The following PTPRK variants were observed in gnomAD, a reference collection of about 807,000 sequenced individuals.
PTPRK encodes the protein protein tyrosine phosphatase receptor type K.
Under a neutral mutation model 178.0 loss-of-function variants are expected in PTPRK, and 75 were observed. The observed-to-expected ratio is 0.42, with a 90% CI of 0.35 to 0.51. PTPRK has a LOEUF of 0.51. Among genes scored for constraint, PTPRK ranks in the 20% least tolerant of loss-of-function variants. The pLI is 0.02. For missense variants in PTPRK, 1,441 were observed against 1,797.8 expected, an observed-to-expected ratio of 0.80 and a Z score of 3.59; for synonymous variants, 637 against 620.6, an observed-to-expected ratio of 1.03 and a Z score of -0.39.
At chr6:127,986,688 A>G (rs145354929) in intron 21 of PTPRK, among the ~76,000 whole-genome samples, 1 of 152,152 alleles carries the variant, frequency 6.6e-6, no homozygotes, top group Non-Finnish European at 1.5e-5. Flanking sequence ...AGGAAAAAAA[A>G]TCCCACTATA....
intron 6 of PTPRK, among the ~76,000 whole-genome samples, chr6:128,205,594 G>A (rs945837253): frequency 7.9e-5 from 12 of 151,324 alleles, no homozygotes; most frequent in Admixed American, 5.3e-4. Flanking sequence ...CCAATATGGC[G>A]AAACCCCATC....
intron 6 of PTPRK, among the ~76,000 whole-genome samples, chr6:128,211,982 T>C (rs1562799346): frequency 6.6e-6 from 1 of 152,058 alleles, no homozygotes. Context: ...CAATTAACAT[T>C]CTATAAGACT....
chr6:128,259,227 C>T (rs1009271413), intron 3 of PTPRK, among the ~76,000 whole-genome samples: 2 of 152,142 alleles, frequency 1.3e-5, no homozygotes, highest in Non-Finnish European at 2.9e-5. Context: ...TTCCAGGCTC[C>T]ACCCTATAGG....
At position 128,026,740 on chromosome 6, in the gene PTPRK, T is replaced by G. The variant is rs528308098; in HGVS notation, c.2195-17472A>C. Among the ~76,000 whole-genome samples the G allele has an allele frequency of 4.2e-4, 64 of 152,336 alleles. 2 individuals are homozygous for G. In the South Asian group the frequency reaches 8.7e-3, roughly 21 times the overall value. ...TTGTATAGTACTTTAAGGAGGATAT[T>G]ATTCATTTTATATCATTTTCCTTCT... On this transcript the variant is annotated intron_variant, in intron 13 of 29. Coordinates refer to ENST00000368226, the MANE Select transcript of PTPRK (RefSeq NM_002844.4).
chr6:128,003,198 T>A, intron 15 of PTPRK: 6 of 1,603,298 alleles, frequency 3.7e-6, no homozygotes, highest in Non-Finnish European at 5.1e-6. Context: ...GGGCCTCACC[T>A]AACACAGCAG....
At chr6:128,192,883 A>G (rs1583416786) in intron 6 of PTPRK, among the ~76,000 whole-genome samples, 5 of 122,128 alleles carry the variant, frequency 4.1e-5, no homozygotes, top group Non-Finnish European at 6.8e-5. Context: ...AGGGGAGGAG[A>G]GGGAGGAAGG....
At chr6:128,301,419 T>C (rs999417490) in intron 3 of PTPRK, among the ~76,000 whole-genome samples, 2 of 152,150 alleles carry the variant, frequency 1.3e-5, no homozygotes, top group Non-Finnish European at 2.9e-5. Context: ...GGTGTGTTGG[T>C]AAATTTTGCA....
chr6:128,340,647 A>T (rs1214612404), intron 2 of PTPRK: 3 of 296,018 alleles, frequency 1.0e-5, no homozygotes. Flanking sequence ...CTCATACAAC[A>T]CATGTATAAA....
At chr6:128,128,947 A>T (rs1280969074) in intron 7 of PTPRK, among the ~76,000 whole-genome samples, 2 of 152,240 alleles carry the variant, frequency 1.3e-5, no homozygotes, top group African/African-American at 4.8e-5. Context: ...CTGCAACAAG[A>T]ATTCTTTCTA....
At chr6:128,376,182 C>T (rs1837046601) in intron 2 of PTPRK, among the ~76,000 whole-genome samples, 2 of 152,304 alleles carry the variant, frequency 1.3e-5, no homozygotes, top group Admixed American at 6.5e-5. Flanking sequence ...CCACATTTCC[C>T]TTCCACACTT....
chr6:128,178,656 C>CATCTATCTATCTATCT (rs71028114), intron 7 of PTPRK, among the ~76,000 whole-genome samples: 167 of 146,102 alleles, frequency 1.1e-3, no homozygotes, highest in East Asian at 4.3e-3. Flanking sequence ...GTAGAGAAGA[C>CATCTATCTATCTATCT]ATCTATCTAT....
At chr6:128,025,598 C>T (rs982720225) in intron 13 of PTPRK, among the ~76,000 whole-genome samples, 2 of 152,212 alleles carry the variant, frequency 1.3e-5, no homozygotes, top group Admixed American at 6.5e-5. Context: ...AAAAACCACA[C>T]ATATTTATTC....
At chr6:128,327,528 T>C (rs769608674) in intron 2 of PTPRK, among the ~76,000 whole-genome samples, 1 of 152,168 alleles carries the variant, frequency 6.6e-6, no homozygotes. Context: ...CCACACATCA[T>C]GCCAGTTTTC....
chr6:127,981,343 T>C, intron 24 of PTPRK, 54 bp from the exon 25 acceptor site: 1 of 1,474,872 alleles, frequency 6.8e-7, no homozygotes, highest in South Asian at 1.2e-5. Flanking sequence ...TTTAACAGTA[T>C]AACACAGATC....
intron 11 of PTPRK, among the ~76,000 whole-genome samples, chr6:128,078,157 G>C (rs951454540): frequency 4.0e-5 from 6 of 151,892 alleles, no homozygotes; most frequent in Non-Finnish European, 7.4e-5. Flanking sequence ...GGGACTAGAG[G>C]GGGGAAAAAG....
intron 7 of PTPRK, among the ~76,000 whole-genome samples, chr6:128,150,793 A>G (rs4897246): frequency 0.022 from 3,313 of 152,212 alleles, 98 homozygotes; most frequent in African/African-American, 0.045. Context: ...CTCTATCTAC[A>G]GACCTGGGGA....
chr6:128,110,391 T>C (rs1790451566), intron 7 of PTPRK, among the ~76,000 whole-genome samples: 1 of 152,164 alleles, frequency 6.6e-6, no homozygotes, highest in Non-Finnish European at 1.5e-5. Flanking sequence ...TATCAATCCC[T>C]GTCTTTTGGA....
intron 1 of PTPRK, among the ~76,000 whole-genome samples, chr6:128,456,458 A>G (rs1848410404): frequency 6.6e-6 from 1 of 152,022 alleles, no homozygotes; most frequent in Non-Finnish European, 1.5e-5. Flanking sequence ...AATGAGTAAA[A>G]CCATATCAGG....
At chr6:128,365,141 T>C (rs1490203748) in intron 2 of PTPRK, among the ~76,000 whole-genome samples, 2 of 152,116 alleles carry the variant, frequency 1.3e-5, no homozygotes, top group Non-Finnish European at 2.9e-5. Context: ...TGGAAGTCTG[T>C]AGTGTCCTAC....
Sources: allele counts gnomAD v4.1 joint callset (sites outside exome capture counted in the v4.1 genomes callset), GRCh38; gene constraint gnomAD v4.1.1; transcripts MANE v1.5; gene names NCBI Gene and HGNC (gene_info 2026-07-23, HGNC 2026-07-21).